Variants in TTLL12 observed in about 807,000 individuals in gnomAD.
The protein encoded by TTLL12 is tubulin--tyrosine ligase-like protein 12.
In TTLL12, 77 loss-of-function variants were observed where a neutral mutation model predicts 79.6. That is an observed-to-expected ratio of 0.97 (90% CI 0.81 to 1.17). TTLL12 has a LOEUF of 1.17. Ranked by LOEUF, TTLL12 falls within the 50% of genes most tolerant of loss-of-function variation. The pLI, the probability that TTLL12 is intolerant of heterozygous loss-of-function variation, is 0.00. For missense variants in TTLL12, 969 were observed against 895.9 expected (o/e 1.08, Z -1.04); for synonymous variants, 437 against 376.1 (o/e 1.16, Z -1.87).
rs778941159 is a variant in TTLL12 at position 43,183,021 on chromosome 22, G to A, written c.306C>T (p.Ile102=). ...NPGNELCYKV[I]VTRESGLQAA... is the part of the protein sequence containing the mutation. ...CCTGGAGCCCGCTCTCCCTGGTCAC[G>A]ATGACCTTGTAGCACAGCTCGTTCC... The change falls in exon 2 of 14, where the codon ATC becomes ATT. Residue 102 remains isoleucine (I), a synonymous_variant. Coordinates refer to ENST00000216129, the MANE Select transcript of TTLL12 (RefSeq NM_015140.4). 1.5e-5 allele frequency: 24 copies of A among 1,613,820 alleles called. No homozygotes were observed. Among genetic ancestry groups the A allele is most frequent in the Admixed American group, 6.7e-5 (4 of 59,986 alleles).
chr22:43,168,234 A>G, intron 13 of TTLL12, 75 bp from the exon 14 acceptor site: 1 of 1,561,618 alleles, frequency 6.4e-7, no homozygotes. Context: ...CTGGGGATCC[A>G]GCAAAGGCTG....
intron 2 of TTLL12, 108 bp from the exon 3 acceptor site, chr22:43,181,048 T>C (rs1191770250): frequency 7.9e-7 from 1 of 1,262,952 alleles, no homozygotes; most frequent in African/African-American, 1.5e-5. Context: ...CAAGCTTCCT[T>C]AGATTTGGTC....
At position 43,187,118 on chromosome 22, in the gene TTLL12, C is replaced by T. The variant is rs1361859705; in HGVS notation, c.-49G>A. The T allele has an allele frequency of 3.1e-6, 3 of 969,248 alleles. No individual in the cohort carries two copies. The African/African-American group carries it at 5.3e-5, about 17-fold the overall frequency. The allele number at this position is 969,248 out of a possible 1,614,324, so 60.0% of individuals were successfully genotyped here. The stretch of plus-strand genomic sequence containing the variant: ...CAGCGCCGCCACCGCCGCCGCCGCC[C>T]GCCGTCCGTCGGCCCTGCCCTCCCG... On this transcript the variant is annotated 5_prime_UTR_variant, in exon 1 of 14. Coordinates refer to ENST00000216129, the MANE Select transcript of TTLL12 (RefSeq NM_015140.4).
At chr22:43,170,755 A>T (rs536702068) in intron 11 of TTLL12, among the ~76,000 whole-genome samples, 39 of 152,268 alleles carry the variant, frequency 2.6e-4, no homozygotes, top group Admixed American at 4.6e-4. Context: ...TACTAAAAAT[A>T]CAAAAAAATT....
chr22:43,173,928 G>C (rs1003332357), intron 8 of TTLL12, 102 bp from the exon 9 acceptor site: 2 of 1,086,170 alleles, frequency 1.8e-6, no homozygotes, highest in African/African-American at 3.2e-5. Context: ...ACTTCTCCTT[G>C]GGAGCTGAGG....
At chr22:43,182,290 T>C (rs980643319) in intron 2 of TTLL12, among the ~76,000 whole-genome samples, 1 of 152,198 alleles carries the variant, frequency 6.6e-6, no homozygotes, top group East Asian at 1.9e-4. Flanking sequence ...GCGGGGGTGC[T>C]GGGCTGTCCG....
At chr22:43,185,944 T>C (rs927988104) in intron 1 of TTLL12, 2 of 984,916 alleles carry the variant, frequency 2.0e-6, no homozygotes, top group Non-Finnish European at 2.4e-6. Context: ...CACTGTAGCA[T>C]AAGGAGGTGC....
At chr22:43,184,983 A>G (rs1601777917) in intron 1 of TTLL12, among the ~76,000 whole-genome samples, 2 of 152,078 alleles carry the variant, frequency 1.3e-5, no homozygotes, top group African/African-American at 4.8e-5. Context: ...TAATCCCAAC[A>G]CTTCGGGAGG....
In TTLL12 at chr22:43,174,486, G is replaced by C. The variant is rs1174767696; in HGVS notation, c.1034+13C>G. 2 of 1,597,172 alleles carry C rather than the reference G, an allele frequency of 1.3e-6. No homozygotes were observed. The highest frequency in any genetic ancestry group is 1.7e-6 in the Non-Finnish European group (2 of 1,168,058). ...CTGACTGGGAGGGCCCCTGCGGCCA[G>C]AGGTGCCCTCACCTGTAGTCCTTGA... On this transcript the variant is annotated intron_variant, in intron 7 of 13. Coordinates refer to ENST00000216129, the MANE Select transcript of TTLL12 (RefSeq NM_015140.4).
At position 43,174,193 on chromosome 22, in the gene TTLL12, C is replaced by T. The variant is rs777111920; in HGVS notation, c.1229+16G>A. On this transcript the variant is annotated intron_variant, in intron 8 of 13. Transcript: ENST00000216129. ...AAAGGGCCATGGAGCACACCGATGC[C>T]GTGTCTGGGACTTACCACCTTTCCC... The T allele has an allele frequency of 5.6e-6, 9 of 1,598,074 alleles. No homozygotes were observed. The highest frequency in any genetic ancestry group is 1.1e-5 in the South Asian group (1 of 90,842).
chr22:43,177,505 G>A (rs1931946265), intron 5 of TTLL12, among the ~76,000 whole-genome samples: 1 of 152,212 alleles, frequency 6.6e-6, no homozygotes, highest in South Asian at 2.1e-4. Flanking sequence ...GAAAAAGGTG[G>A]AAGGGACAGG....
chr22:43,185,895 C>T (rs762277829), intron 1 of TTLL12: 123 of 927,238 alleles, frequency 1.3e-4, no homozygotes, highest in Non-Finnish European at 1.5e-4. Context: ...CCTCGGAAAG[C>T]ATATGGCAGA....
intron 11 of TTLL12, chr22:43,169,845 G>C (rs985568624): frequency 3.7e-6 from 2 of 543,824 alleles, no homozygotes; most frequent in Non-Finnish European, 7.0e-6. Context: ...AACTGACTTT[G>C]CCACGCAGCT....
chr22:43,179,165 C>T (rs926237031), intron 5 of TTLL12, among the ~76,000 whole-genome samples: 12 of 152,218 alleles, frequency 7.9e-5, no homozygotes, highest in African/African-American at 2.4e-4. Flanking sequence ...AGCTGGGTCC[C>T]TCGGGGCCCT....
At chr22:43,180,555 G>C (rs1352599952) in intron 3 of TTLL12, among the ~76,000 whole-genome samples, 187 bp downstream of exon 3, 1 of 152,128 alleles carries the variant, frequency 6.6e-6, no homozygotes, top group Admixed American at 6.5e-5. Flanking sequence ...GTCTGAGAGG[G>C]CTGCGTCCTG....
chr22:43,180,962 T>A, intron 2 of TTLL12, 22 bp from the exon 3 acceptor site: 3 of 1,602,308 alleles, frequency 1.9e-6, no homozygotes, highest in Middle Eastern at 2.1e-4. Context: ...GGCCACAATG[T>A]GAGGCTGCCG....
chr22:43,185,444 C>T (rs1932160736), intron 1 of TTLL12, among the ~76,000 whole-genome samples: 2 of 151,838 alleles, frequency 1.3e-5, no homozygotes, highest in Non-Finnish European at 2.9e-5. Context: ...GGGCCAGTAG[C>T]AGCAGGAGGC....
chr22:43,168,286 G>A (rs912139214), intron 13 of TTLL12, 127 bp from the exon 14 acceptor site: 2 of 1,334,302 alleles, frequency 1.5e-6, no homozygotes, highest in Non-Finnish European at 2.0e-6. Context: ...GGGATGAGCA[G>A]GACAAGGCCG....
At chr22:43,168,562 C>T (rs894604163) in intron 13 of TTLL12, among the ~76,000 whole-genome samples, 4 of 152,202 alleles carry the variant, frequency 2.6e-5, no homozygotes, top group South Asian at 2.1e-4. Flanking sequence ...AGCTCTCCCC[C>T]GACTCAGAGG....
Sources: gnomAD v4.1 joint callset for allele counts (sites outside exome capture counted in the v4.1 genomes callset) on GRCh38, gnomAD v4.1.1 for gene constraint, MANE v1.5 for transcripts, NCBI Gene and HGNC (gene_info 2026-07-23, HGNC 2026-07-21) for gene names.